The following CAPN2 variants were observed in gnomAD, a reference collection of about 807,000 sequenced individuals.
The protein encoded by CAPN2 is calpain-2 catalytic subunit.
Under a neutral mutation model 102.3 loss-of-function variants are expected in CAPN2, and 92 were observed. The ratio of observed to expected loss-of-function variants is 0.90; its 90% confidence interval spans 0.76 to 1.07. The LOEUF is 1.07. Among genes scored for constraint, CAPN2 ranks in the 50% least tolerant of loss-of-function variants. The probability of loss-of-function intolerance (pLI) is 0.00; values close to 1 mark genes in which losing one functional copy is unlikely to be tolerated. For synonymous variants in CAPN2, 340 were observed against 355.4 expected (o/e 0.96, Z 0.49); for missense variants, 800 against 909.4 (o/e 0.88, Z 1.55).
At chr1:223,773,144 C>CAA (rs1476512028) in intron 20 of CAPN2, 1 of 152,206 alleles carries the variant, frequency 6.6e-6, no homozygotes, top group East Asian at 1.9e-4. Flanking sequence ...ATTGTATTAG[C>CAA]AAAGTGAAAA....
intron 2 of CAPN2, among the ~76,000 whole-genome samples, chr1:223,724,261 G>A (rs1660133387): frequency 6.6e-6 from 1 of 152,140 alleles, no homozygotes; most frequent in Admixed American, 6.5e-5. Context: ...CACTCATCTG[G>A]GGATTTGAGA....
chr1:223,759,452 G>C lies in CAPN2; in HGVS notation c.1500G>C (p.Arg500=), dbSNP rs375605587. 36 of 1,613,996 alleles carry C rather than the reference G, an allele frequency of 2.2e-5. No individual in the cohort carries two copies. The East Asian group carries it at 4.7e-4, about 21-fold the overall frequency. The part of the protein sequence containing the change: ...EPNKDGDFCI[R]VFSEKKADYQ... The stretch of plus-strand genomic sequence containing the variant: ...ACAAGGATGGGGATTTCTGCATCCG[G>C]GTCTTTTCTGAAAAGAAAGCTGACT... The change falls in exon 12 of 21, where the codon CGG becomes CGC. Residue 500 remains arginine (R), a synonymous_variant. Coordinates refer to ENST00000295006, the MANE Select transcript of CAPN2 (RefSeq NM_001748.5). The surrounding 1 kb of genome is among the most constrained non-coding windows in gnomAD (Gnocchi z 4.6).
chr1:223,717,336 A>G (rs558960786), intron 1 of CAPN2, among the ~76,000 whole-genome samples: 1 of 152,126 alleles, frequency 6.6e-6, no homozygotes, highest in South Asian at 2.1e-4. Context: ...GAGGGAAGAG[A>G]GTGGGAAAGG....
At chr1:223,723,194 G>A (rs561644658) in intron 2 of CAPN2, among the ~76,000 whole-genome samples, 54 of 152,204 alleles carry the variant, frequency 3.5e-4, no homozygotes, top group African/African-American at 5.5e-4. Flanking sequence ...CATGCCTGTC[G>A]TCCCAGCTAC....
At chr1:223,730,756 A>G (rs551016265) in intron 2 of CAPN2, among the ~76,000 whole-genome samples, 4 of 152,286 alleles carry the variant, frequency 2.6e-5, no homozygotes, top group African/African-American at 9.6e-5. Flanking sequence ...CTTGTTTTTC[A>G]GGTTTACCTT....
intron 7 of CAPN2, among the ~76,000 whole-genome samples, chr1:223,751,329 A>G (rs1660891958): frequency 6.6e-6 from 1 of 152,216 alleles, no homozygotes; most frequent in Admixed American, 6.5e-5. Context: ...CAGGGATGTG[A>G]ACTTTGTACC....
At chr1:223,766,495 T>G in intron 16 of CAPN2, 64 bp downstream of exon 16, 1 of 1,233,192 alleles carries the variant, frequency 8.1e-7, no homozygotes, top group East Asian at 2.3e-5. Context: ...TCCAGAAAGA[T>G]TCAAACACAT....
chr1:223,711,829 C>A (rs1185402372), upstream of CAPN2, among the ~76,000 whole-genome samples: 1 of 152,206 alleles, frequency 6.6e-6, no homozygotes, highest in African/African-American at 2.4e-5. Flanking sequence ...CTCCTGACCC[C>A]AGGTGATCCG....
chr1:223,730,736 G>A (rs529576094), intron 2 of CAPN2, among the ~76,000 whole-genome samples: 2 of 152,278 alleles, frequency 1.3e-5, no homozygotes, highest in African/African-American at 4.8e-5. Context: ...CCTTCCCATC[G>A]TGGCCTGAAC....
chr1:223,769,704 A>G (rs1324601381), intron 16 of CAPN2, 137 bp from the exon 17 acceptor site: 3 of 696,254 alleles, frequency 4.3e-6, no homozygotes, highest in Non-Finnish European at 7.8e-6. Context: ...CCAGTGGGAA[A>G]AGCAGGAAAA....
At chr1:223,772,132 T>C (rs1024152482) in intron 19 of CAPN2, 49 bp from the exon 20 acceptor site, 2 of 1,520,274 alleles carry the variant, frequency 1.3e-6, no homozygotes, top group Non-Finnish European at 1.8e-6. Context: ...GATAATGTGA[T>C]CTGTTTCAGC....
chr1:223,751,116 G>C, intron 7 of CAPN2, 141 bp downstream of exon 7: 1 of 739,124 alleles, frequency 1.4e-6, no homozygotes, highest in Non-Finnish European at 2.3e-6. Context: ...ACAGGGACCC[G>C]TGGACAGGGG....
intron 7 of CAPN2, among the ~76,000 whole-genome samples, chr1:223,751,177 T>G (rs1660881054): frequency 6.6e-6 from 1 of 152,162 alleles, no homozygotes; most frequent in Non-Finnish European, 1.5e-5. Context: ...CCTGAGTGCC[T>G]TCTTCCAGGC....
rs1048508032 is a variant in CAPN2 at position 223,754,271 on chromosome 1, G to A, written c.1136-1209G>A. On this transcript the variant is annotated intron_variant, in intron 9 of 20. Coordinates refer to ENST00000295006, the MANE Select transcript of CAPN2 (RefSeq NM_001748.5). This position sits in a 1 kb window ranked among gnomAD's most constrained non-coding sequence, Gnocchi z 4.7. Reference sequence around the variant, plus strand: ...TAGCTGGCCTACAGTTCTGGGGCTCGGACTCCTTCACCTCAAGTATGCAGC... The same window carrying A: ...TAGCTGGCCTACAGTTCTGGGGCTCAGACTCCTTCACCTCAAGTATGCAGC... Among the ~76,000 whole-genome samples, 6 of 152,178 alleles carry A rather than the reference G, an allele frequency of 3.9e-5. No homozygotes were observed. Among genetic ancestry groups the A allele is most frequent in the South Asian group, 2.1e-4 (1 of 4,834 alleles).
At chr1:223,710,557 C>T (rs1571775616), upstream of CAPN2, among the ~76,000 whole-genome samples, 2 of 152,082 alleles carry the variant, frequency 1.3e-5, no homozygotes, top group Admixed American at 6.6e-5. Flanking sequence ...AAGGCAAGGT[C>T]GGACATGCTT....
chr1:223,764,017 T>C (rs1240287627), intron 14 of CAPN2, 133 bp from the exon 15 acceptor site: 5 of 712,552 alleles, frequency 7.0e-6, no homozygotes, highest in Non-Finnish European at 1.0e-5. Flanking sequence ...AGCCCCAACA[T>C]GGCTCGGGGG....
chr1:223,749,984 T>C (rs1033391175), intron 6 of CAPN2, among the ~76,000 whole-genome samples: 2 of 152,132 alleles, frequency 1.3e-5, no homozygotes, highest in Admixed American at 1.3e-4. Flanking sequence ...CACCCCAGCC[T>C]CAGCGACAAA....
Position 223,771,952 on chromosome 1 carries a change from A to T in CAPN2, c.2020+27A>T, listed in dbSNP as rs77055466. The T allele has an allele frequency of 2.0e-4, 303 of 1,492,150 alleles. 1 individual carries two copies. The East Asian group carries it at 6.4e-3, about 31-fold the overall frequency. 92.4% of individuals were successfully genotyped at this position (1,492,150 alleles called of 1,614,324 possible). The stretch of plus-strand genomic sequence containing the variant: ...TAAGTGGATATTTGGGGAATGACTC[A>T]TTTCAGTTCTCTTGGTATTAAAGTG... On this transcript the variant is annotated intron_variant, in intron 19 of 20. Transcript: ENST00000295006.
chr1:223,771,687 G>T, intron 18 of CAPN2, 122 bp from the exon 19 acceptor site: 2 of 718,918 alleles, frequency 2.8e-6, no homozygotes, highest in South Asian at 1.7e-5. Flanking sequence ...CAGAAGAGCA[G>T]CCAAGGGACA....
Sources: allele counts gnomAD v4.1 joint callset (sites outside exome capture counted in the v4.1 genomes callset), GRCh38; gene constraint gnomAD v4.1.1; non-coding constraint Gnocchi (gnomAD v3.1); transcripts MANE v1.5; gene names NCBI Gene and HGNC (gene_info 2026-07-23, HGNC 2026-07-21).